The following EPHA2 variants were observed in gnomAD, a reference collection of about 807,000 sequenced individuals.
EPHA2 encodes the protein ephrin type-A receptor 2.
Under a neutral mutation model 104.9 loss-of-function variants are expected in EPHA2, and 54 were observed. The ratio of observed to expected loss-of-function variants is 0.51; its 90% CI spans 0.41 to 0.65. The LOEUF is 0.65. EPHA2 is among the 30% of genes least tolerant of loss of function. EPHA2 has a pLI of 0.00. For synonymous variants in EPHA2, 560 were observed against 559.1 expected (o/e 1.00, Z -0.02); for missense variants, 1,117 against 1,369.5 (o/e 0.82, Z 2.91).
chr1:16,134,425 C>T lies in EPHA2; in HGVS notation c.1682+43G>A. Reference sequence around the variant, plus strand: ...AAATGGAGGTTCCTGCCCCATTTTCCCACCCAAGCCCATGTGGAGCCAGGG... The same window carrying T: ...AAATGGAGGTTCCTGCCCCATTTTCTCACCCAAGCCCATGTGGAGCCAGGG... On this transcript the variant is annotated intron_variant, in intron 8 of 16. Transcript: ENST00000358432. This position sits in a 1 kb window ranked among gnomAD's most constrained non-coding sequence, Gnocchi z 4.5. 1 of 1,600,136 alleles carries T rather than the reference C, an allele frequency of 6.2e-7. No homozygotes were observed. Among genetic ancestry groups the T allele is most frequent in the Non-Finnish European group, 8.6e-7 (1 of 1,168,106 alleles).
Position 16,125,469 on chromosome 1 carries a change from G to A in EPHA2, c.2826-149C>T. The A allele has an allele frequency of 1.6e-6, 1 of 635,854 alleles. No individual in the cohort carries two copies. Among genetic ancestry groups the A allele is most frequent in the South Asian group, 1.9e-5 (1 of 52,150 alleles). The allele number at this position is 635,854 out of a possible 1,614,324, so 39.4% of individuals were successfully genotyped here. A position where few individuals can be genotyped will look rare whatever the true frequency, so the allele number is the denominator to read the frequency against. ...GGAGAGGGTGCCTTGGGGACCTGTA[G>A]GGCAAGAGAGCTCTGGTTAGGTAGG... On this transcript the variant is annotated intron_variant, in intron 16 of 16. Coordinates refer to ENST00000358432, the MANE Select transcript of EPHA2 (RefSeq NM_004431.5). The surrounding 1 kb of genome is among the most constrained non-coding windows in gnomAD (Gnocchi z 4.9).
At chr1:16,153,400 G>A in intron 1 of EPHA2, 4 of 875,218 alleles carry the variant, frequency 4.6e-6, no homozygotes, top group Non-Finnish European at 5.5e-6. Flanking sequence ...GGGACAGAGG[G>A]CAGACTTGGC....
rs755096119 is a variant in EPHA2 at position 16,130,348 on chromosome 1, G to C, written c.2547C>G (p.Leu849=). The C allele has an allele frequency of 1.3e-6, 2 of 1,589,994 alleles. No homozygotes were observed. The highest frequency in any genetic ancestry group is 1.7e-6 in the Non-Finnish European group (2 of 1,162,930). ...PMDCPSAIYQ[L]MMQCWQQERA... The stretch of plus-strand genomic sequence containing the variant: ...GCTCCTGCTGCCAGCACTGCATCAT[G>C]AGCTGGTAGATGGCGGAGGGGCAGT... The change falls in exon 15 of 17, where the codon CTC becomes CTG. Residue 849 remains leucine, a synonymous_variant. Transcript: ENST00000358432. This position sits in a 1 kb window ranked among gnomAD's most constrained non-coding sequence, Gnocchi z 4.5.
intron 3 of EPHA2, among the ~76,000 whole-genome samples, chr1:16,146,054 C>T (rs1245051586): frequency 1.3e-5 from 2 of 152,234 alleles, no homozygotes; most frequent in Non-Finnish European, 2.9e-5. Flanking sequence ...CTTCCAGCAG[C>T]AGCATGGCCA....
rs746422722 is a variant in EPHA2, at chr1:16,138,174, C to T, written c.991G>A (p.Ala331Thr). The T allele has an allele frequency of 1.9e-5, 30 of 1,609,214 alleles. No homozygotes were observed. The highest frequency in any genetic ancestry group is 1.6e-4 in the Middle Eastern group (1 of 6,082). Residue 331 changes from alanine (A) to threonine (T), a missense_variant, in exon 5 of 17, where the codon GCC becomes ACC. This residue lies in a region of EPHA2 where 664 missense variants were observed against 784.8 expected (regional missense o/e 0.85). Transcript: ENST00000358432. ...CCCACGGCTGTGAGGTAGTGTGGGG[C>T]GGAGGGGGGTCCTGCACAGACAGGA... ...ASMPCTRPPS[A>T]PHYLTAVGMG...
At position 16,138,027 on chromosome 1, in the gene EPHA2, C is replaced by T. The variant is rs757237384; in HGVS notation, c.1138G>A (p.Glu380Lys). The T allele has an allele frequency of 1.2e-6, 2 of 1,613,618 alleles. No homozygotes were observed. Among genetic ancestry groups the T allele is most frequent in the Non-Finnish European group, 1.7e-6 (2 of 1,179,958 alleles). ...WPESGECGPC[E>K]ASVRYSEPPH... ...GGCTCCGAGTAGCGCACACTGGCCT[C>T]ACACGGCCCGCATTCCCCAGACTCG... Residue 380 changes from glutamate to lysine, a missense_variant, in exon 5 of 17, where the codon GAG (glutamate) becomes AAG (lysine). Coordinates refer to ENST00000358432, the MANE Select transcript of EPHA2 (RefSeq NM_004431.5).
In EPHA2 at chr1:16,131,369, G is replaced by C. The variant is rs913427230; in HGVS notation, c.2475+352C>G. Among the ~76,000 whole-genome samples, 1 of 152,024 alleles carries C rather than the reference G, an allele frequency of 6.6e-6. No homozygotes were observed. Among genetic ancestry groups the C allele is most frequent in the African/African-American group, 2.4e-5 (1 of 41,388 alleles). ...CTGAGGCATGTGGATCACCTGAAGC[G>C]AGGAGCTAGAGACCAGCCTGGCCAA... On this transcript the variant is annotated intron_variant, in intron 14 of 16. Coordinates refer to ENST00000358432, the MANE Select transcript of EPHA2 (RefSeq NM_004431.5). This position sits in a 1 kb window ranked among gnomAD's most constrained non-coding sequence, Gnocchi z 5.2.
chr1:16,130,130 C>T lies in EPHA2; in HGVS notation c.2669+96G>A. The T allele has an allele frequency of 6.5e-7, 1 of 1,545,490 alleles. No individual in the cohort carries two copies. Among genetic ancestry groups the T allele is most frequent in the Non-Finnish European group, 8.9e-7 (1 of 1,121,660 alleles). On this transcript the variant is annotated intron_variant, in intron 15 of 16. Coordinates refer to ENST00000358432, the MANE Select transcript of EPHA2 (RefSeq NM_004431.5). This position sits in a 1 kb window ranked among gnomAD's most constrained non-coding sequence, Gnocchi z 4.5. The stretch of plus-strand genomic sequence containing the variant: ...AACCTCTTAGCCCCCAGCACCCCCC[C>T]TACCAGCTTCACCTGGGTGGCCACT...
In EPHA2 at chr1:16,125,296, C is replaced by A. The variant is rs756730636; in HGVS notation, c.2850G>T (p.Arg950=). Residue 950 remains arginine (R), a synonymous_variant, in exon 17 of 17, where the codon CGG becomes CGT. Coordinates refer to ENST00000358432, the MANE Select transcript of EPHA2 (RefSeq NM_004431.5). This position sits in a 1 kb window ranked among gnomAD's most constrained non-coding sequence, Gnocchi z 4.9. ...TNDDIKRIGV[R]LPGHQKRIAY... ...CGATGCGCTTCTGGTGGCCGGGCAG[C>A]CGCACCCCAATCCTCTTGATGTCGC... The A allele has an allele frequency of 6.2e-7, 1 of 1,613,596 alleles. No homozygotes were observed.
Position 16,125,059 on chromosome 1 carries a change from G to T in EPHA2, c.*156C>A. 2.8e-6 allele frequency: 2 copies of T among 719,550 alleles called. No individual in the cohort carries two copies. The highest frequency in any genetic ancestry group is 4.9e-6 in the Non-Finnish European group (2 of 404,306). 44.6% of individuals were successfully genotyped at this position (719,550 alleles called of 1,614,324 possible). A position where few individuals can be genotyped will look rare whatever the true frequency, so the allele number is the denominator to read the frequency against. On this transcript the variant is annotated 3_prime_UTR_variant, in exon 17 of 17. Transcript: ENST00000358432. This position sits in a 1 kb window ranked among gnomAD's most constrained non-coding sequence, Gnocchi z 4.9. ...ATCCCTGGTCATCTCCTCAGTTCAG[G>T]CCAGGGTGTCATCCGAGACCCCTCA...
intron 16 of EPHA2, among the ~76,000 whole-genome samples, chr1:16,127,809 C>A (rs1053695932): frequency 6.6e-6 from 1 of 152,184 alleles, no homozygotes; most frequent in Non-Finnish European, 1.5e-5. Flanking sequence ...CACAACAACG[C>A]GCACTGCAGC....
chr1:16,132,333 G>A (rs760138875), intron 12 of EPHA2, 45 bp downstream of exon 12: 11 of 1,613,966 alleles, frequency 6.8e-6, no homozygotes, highest in Admixed American at 6.7e-5. Context: ...CCAGCCCCGG[G>A]CTCAATGGCC....
Position 16,132,972 on chromosome 1 carries a change from G to C in EPHA2, c.2053+208C>G, listed in dbSNP as rs2024605316. The stretch of plus-strand genomic sequence containing the variant: ...GGGGAGAGGTGGGCACGGGTGTAAG[G>C]AGGTGGGTGCAGGTATGGGGGGAAG... On this transcript the variant is annotated intron_variant, in intron 11 of 16. Coordinates refer to ENST00000358432, the MANE Select transcript of EPHA2 (RefSeq NM_004431.5). 6.6e-6 allele frequency: 4 copies of C among 609,148 alleles called. No individual in the cohort carries two copies. The South Asian group carries it at 7.4e-5, about 11-fold the overall frequency. The allele number at this position is 609,148 out of a possible 1,614,324, so 37.7% of individuals were successfully genotyped here.
rs763181701 is a variant in EPHA2, at chr1:16,155,950, C to G, written c.-18G>C. On this transcript the variant is annotated 5_prime_UTR_variant, in exon 1 of 17. Transcript: ENST00000358432. ...AGCTCCATGCCGCGCTTCTCGCTCT[C>G]GGTCCGATCCCCCCGAGCCCGGCTC... 4.0e-6 allele frequency: 6 copies of G among 1,485,164 alleles called. No homozygotes were observed. Among genetic ancestry groups the G allele is most frequent in the South Asian group, 3.8e-5 (3 of 78,882 alleles). The allele number at this position is 1,485,164 out of a possible 1,614,324, so 92.0% of individuals were successfully genotyped here.
At chr1:16,143,309 T>C (rs925703920) in intron 3 of EPHA2, among the ~76,000 whole-genome samples, 1 of 151,998 alleles carries the variant, frequency 6.6e-6, no homozygotes, top group Non-Finnish European at 1.5e-5. Context: ...ACCTACCATG[T>C]GCATGTGAAA....
intron 16 of EPHA2, among the ~76,000 whole-genome samples, chr1:16,127,145 A>G (rs995640784): frequency 3.3e-5 from 5 of 152,160 alleles, no homozygotes; most frequent in Admixed American, 6.5e-5. Flanking sequence ...GTGCAGGGAG[A>G]CGGGAGTAAG....
Position 16,150,996 on chromosome 1 carries a change from G to A in EPHA2, c.86-33C>T. The stretch of plus-strand genomic sequence containing the variant: ...GGAGAAGGGAGAGGGGGTGAGCCTG[G>A]GGGTGTCTTCAGGAGTCAGACCATG... On this transcript the variant is annotated intron_variant, in intron 1 of 16. Transcript: ENST00000358432. This position sits in a 1 kb window ranked among gnomAD's most constrained non-coding sequence, Gnocchi z 4.8. 1 of 1,611,142 alleles carries A rather than the reference G, an allele frequency of 6.2e-7. No individual in the cohort carries two copies. The highest frequency in any genetic ancestry group is 8.5e-7 in the Non-Finnish European group (1 of 1,177,582).
In EPHA2 at chr1:16,156,059, G is replaced by T; in HGVS notation, c.-127C>A. The T allele has an allele frequency of 1.4e-6, 1 of 722,064 alleles. No homozygotes were observed. Among genetic ancestry groups the T allele is most frequent in the South Asian group, 2.6e-5 (1 of 38,536 alleles). 44.7% of individuals were successfully genotyped at this position (722,064 alleles called of 1,614,324 possible). A position where few individuals can be genotyped will look rare whatever the true frequency, so the allele number is the denominator to read the frequency against. Reference sequence around the variant, plus strand: ...GCGCAACTTCTGCCCCTCCTGCCCCGAGTCCTTAATGGAAGTTGGGTGAGA... The same window carrying T: ...GCGCAACTTCTGCCCCTCCTGCCCCTAGTCCTTAATGGAAGTTGGGTGAGA... On this transcript the variant is annotated 5_prime_UTR_variant, in exon 1 of 17. Coordinates refer to ENST00000358432, the MANE Select transcript of EPHA2 (RefSeq NM_004431.5).
chr1:16,141,219 ATCT>A (rs2024818310), intron 3 of EPHA2, among the ~76,000 whole-genome samples: 1 of 152,238 alleles, frequency 6.6e-6, no homozygotes, highest in East Asian at 1.9e-4. Flanking sequence ...CCCACCACAG[ATCT>A]TCTCAAACTG....
Sources: allele counts gnomAD v4.1 joint callset (sites outside exome capture counted in the v4.1 genomes callset), GRCh38; gene constraint gnomAD v4.1.1; regional missense constraint gnomAD v4.1.1; non-coding constraint Gnocchi (gnomAD v3.1); transcripts MANE v1.5; gene names NCBI Gene and HGNC (gene_info 2026-07-23, HGNC 2026-07-21).